UNC79: variants seen among roughly 807,000 people sequenced by gnomAD.
The protein encoded by UNC79 is protein unc-79 homolog.
UNC79 carries 37 observed loss-of-function variants against 283.1 expected under a neutral mutation model. The ratio of observed to expected loss-of-function variants is 0.13; its 90% CI spans 0.10 to 0.17. UNC79 has a LOEUF of 0.17. UNC79 is among the 10% of genes least tolerant of loss of function. The pLI is 1.00. For synonymous variants in UNC79, 1,107 were observed against 1,200.2 expected, an observed-to-expected ratio of 0.92 and a Z score of 1.61; for missense variants, 2,272 against 3,211.1, an observed-to-expected ratio of 0.71 and a Z score of 7.07.
At chr14:93,634,386 G>A in intron 31 of UNC79, 135 bp from the exon 34 acceptor site, 1 of 650,784 alleles carries the variant, frequency 1.5e-6, no homozygotes, top group Non-Finnish European at 2.7e-6. Flanking sequence ...TTTTTCATTT[G>A]AACAGAAGCA....
At chr14:93,383,808 G>C (rs969036258) in intron 1 of UNC79, among the ~76,000 whole-genome samples, 12 of 152,152 alleles carry the variant, frequency 7.9e-5, no homozygotes, top group African/African-American at 2.7e-4. Flanking sequence ...CTCAGTGGGA[G>C]GTGATTGAAT....
At chr14:93,437,975 A>G (rs2056151080) in intron 1 of UNC79, among the ~76,000 whole-genome samples, 1 of 152,216 alleles carries the variant, frequency 6.6e-6, no homozygotes, top group South Asian at 2.1e-4. Flanking sequence ...TTTGGGGGAT[A>G]CAATTCAAAC....
chr14:93,677,823 T>C (rs973862214), intron 41 of UNC79, among the ~76,000 whole-genome samples: 2 of 152,148 alleles, frequency 1.3e-5, no homozygotes, highest in Non-Finnish European at 2.9e-5. Context: ...CTAATTTTTG[T>C]ATTTTTAGTA....
chr14:93,548,995 T>C (rs2061740114), intron 14 of UNC79, among the ~76,000 whole-genome samples: 1 of 152,226 alleles, frequency 6.6e-6, no homozygotes, highest in African/African-American at 2.4e-5. Context: ...TGCAAATTCT[T>C]CTTAGTATGA....
At chr14:93,585,954 T>C (rs1473405052) in intron 20 of UNC79, among the ~76,000 whole-genome samples, 3 of 150,486 alleles carry the variant, frequency 2.0e-5, no homozygotes, top group Non-Finnish European at 3.0e-5. Flanking sequence ...CAATATCAGC[T>C]CACTGCAACC....
At chr14:93,398,336 C>T (rs1159654201) in intron 1 of UNC79, among the ~76,000 whole-genome samples, 2 of 152,106 alleles carry the variant, frequency 1.3e-5, no homozygotes, top group Non-Finnish European at 2.9e-5. Flanking sequence ...TGAAGTAAGG[C>T]ATTCAGGATA....
At chr14:93,412,712 T>A (rs903559344) in intron 1 of UNC79, among the ~76,000 whole-genome samples, 1 of 151,980 alleles carries the variant, frequency 6.6e-6, no homozygotes, top group Admixed American at 6.5e-5. Flanking sequence ...AATGTTACCT[T>A]ACAGGCCAGG....
At chr14:93,576,062 T>C (rs888500999) in intron 17 of UNC79, among the ~76,000 whole-genome samples, 1 of 152,242 alleles carries the variant, frequency 6.6e-6, no homozygotes, top group Non-Finnish European at 1.5e-5. Context: ...TCTGTAACCT[T>C]TAAGATGACA....
chr14:93,557,462 A>G (rs1447587991), intron 14 of UNC79, among the ~76,000 whole-genome samples: 2 of 152,168 alleles, frequency 1.3e-5, no homozygotes, highest in South Asian at 2.1e-4. Flanking sequence ...AACAAATCCA[A>G]TAAGCCTTAA....
intron 4 of UNC79, 140 bp downstream of exon 4, chr14:93,477,868 C>A: frequency 1.2e-6 from 1 of 807,446 alleles, no homozygotes; most frequent in Non-Finnish European, 1.8e-6. Flanking sequence ...TCAATTCAGT[C>A]ACTTTAGCAT....
intron 1 of UNC79, among the ~76,000 whole-genome samples, chr14:93,336,923 A>C (rs550125015): frequency 7.9e-5 from 12 of 152,060 alleles, no homozygotes; most frequent in Non-Finnish European, 1.5e-4. Flanking sequence ...ATGAAGGCAG[A>C]TCCCTCATGA....
chr14:93,437,057 A>G (rs2056109228), intron 1 of UNC79, among the ~76,000 whole-genome samples: 2 of 152,170 alleles, frequency 1.3e-5, no homozygotes, highest in Admixed American at 6.5e-5. Flanking sequence ...GTGTGTATAC[A>G]TATATATTTA....
At chr14:93,487,323 G>A (rs1187734569) in intron 4 of UNC79, among the ~76,000 whole-genome samples, 2 of 151,748 alleles carry the variant, frequency 1.3e-5, no homozygotes, top group African/African-American at 4.8e-5. Context: ...CTTTATCTTT[G>A]GGCACACAGA....
At chr14:93,574,327 G>A (rs1220485010) in intron 16 of UNC79, among the ~76,000 whole-genome samples, 1 of 152,190 alleles carries the variant, frequency 6.6e-6, no homozygotes, top group Non-Finnish European at 1.5e-5. Context: ...GGAGGATAGA[G>A]TGGACACTAA....
intron 1 of UNC79, among the ~76,000 whole-genome samples, chr14:93,347,764 C>T (rs2455904): frequency 6.6e-6 from 1 of 151,648 alleles, no homozygotes; most frequent in South Asian, 2.1e-4. Flanking sequence ...CTAGCGTTTT[C>T]GATAAAATGG....
chr14:93,498,027 C>T (rs2059098974), intron 7 of UNC79, among the ~76,000 whole-genome samples: 1 of 151,264 alleles, frequency 6.6e-6, no homozygotes, highest in Non-Finnish European at 1.5e-5. Flanking sequence ...TGCAGTGGCT[C>T]ATGTCTGTAG....
intron 7 of UNC79, among the ~76,000 whole-genome samples, chr14:93,504,374 G>C (rs1233184092): frequency 1.3e-5 from 2 of 151,892 alleles, no homozygotes; most frequent in Non-Finnish European, 2.9e-5. Context: ...CATACTGCTA[G>C]GATTTTGATT....
intron 1 of UNC79, among the ~76,000 whole-genome samples, chr14:93,405,263 A>T (rs1348889841): frequency 6.6e-6 from 1 of 150,970 alleles, no homozygotes; most frequent in Non-Finnish European, 1.5e-5. Flanking sequence ...AGCCTGGGTG[A>T]CAAGAGCAAA....
chr14:93,650,245 T>TA (rs1397815896), intron 35 of UNC79, among the ~76,000 whole-genome samples: 3 of 152,044 alleles, frequency 2.0e-5, no homozygotes, highest in Admixed American at 6.6e-5. Flanking sequence ...TTGGGGGGTA[T>TA]AAAAAAATAG....
Sources: gnomAD v4.1 joint callset for allele counts (sites outside exome capture counted in the v4.1 genomes callset) on GRCh38, gnomAD v4.1.1 for gene constraint, MANE v1.5 for transcripts, NCBI Gene and HGNC (gene_info 2026-07-23, HGNC 2026-07-21) for gene names.